PYGB: variants seen among roughly 807,000 people sequenced by gnomAD.
The protein encoded by PYGB is glycogen phosphorylase, brain form.
Under a neutral mutation model 94.3 loss-of-function variants are expected in PYGB, and 82 were observed. The observed-to-expected ratio is 0.87, with a 90% confidence interval of 0.73 to 1.04. The LOEUF (loss-of-function observed/expected upper bound fraction) is 1.04. PYGB is among the 50% of genes least tolerant of loss of function. The pLI is 0.00. For missense variants in PYGB, 1,132 were observed against 1,158.2 expected (o/e 0.98, Z 0.33); for synonymous variants, 488 against 479.1 (o/e 1.02, Z -0.24).
In PYGB at chr20:25,292,567, A is replaced by C. The variant is rs1278479512; in HGVS notation, c.2131A>C (p.Ile711Leu). The change falls in exon 17 of 20, where the codon ATC becomes CTC. Residue 711 changes from isoleucine to leucine, a missense_variant. Ile to Leu is a conservative substitution (Grantham distance 5). Transcript: ENST00000216962. ...GGAGGCCGGGGCCGAGAACCTCTTC[A>C]TCTTCGGCCTGCGGGTGGAGGATGT... ...AEEAGAENLF[I>L]FGLRVEDVEA... 5 of 1,613,056 alleles carry C rather than the reference A, an allele frequency of 3.1e-6. No homozygotes were observed. The highest frequency in any genetic ancestry group is 2.2e-5 in the South Asian group (2 of 91,088).
In PYGB at chr20:25,294,305, T is replaced by A. The variant is rs771752076; in HGVS notation, c.2312+13T>A. 4 of 695,428 alleles carry A rather than the reference T, an allele frequency of 5.8e-6. No homozygotes were observed. The highest frequency in any genetic ancestry group is 6.2e-5 in the East Asian group (1 of 16,190). The allele number at this position is 695,428 out of a possible 1,614,324, so 43.1% of individuals were successfully genotyped here. A position where few individuals can be genotyped will look rare whatever the true frequency, so the allele number is the denominator to read the frequency against. On this transcript the variant is annotated intron_variant, in intron 18 of 19. Coordinates refer to ENST00000216962, the MANE Select transcript of PYGB (RefSeq NM_002862.4). ...TGCACCATGACAGGTGGGACCGACT[T>A]CCCTGGTTGGGTGGCTGGGAGGGAG...
chr20:25,250,468 T>G (rs969886242), intron 1 of PYGB, among the ~76,000 whole-genome samples: 2 of 152,242 alleles, frequency 1.3e-5, no homozygotes, highest in Non-Finnish European at 2.9e-5. Flanking sequence ...CGTAAAGTTG[T>G]AAACTTTTAG....
intron 6 of PYGB, 29 bp downstream of exon 6, chr20:25,276,786 T>C: frequency 6.3e-7 from 1 of 1,596,292 alleles, no homozygotes; most frequent in Non-Finnish European, 8.6e-7. Flanking sequence ...GGCACCCTTG[T>C]GTCCATGTGG....
At chr20:25,249,003 C>G (rs994816735) in intron 1 of PYGB, among the ~76,000 whole-genome samples, 1 of 152,224 alleles carries the variant, frequency 6.6e-6, no homozygotes, top group Non-Finnish European at 1.5e-5. Context: ...AAGGCTCTGT[C>G]TTAGAGGTTC....
At chr20:25,249,272 AACTTTTTC>A (rs1217598447) in intron 1 of PYGB, among the ~76,000 whole-genome samples, 1 of 152,218 alleles carries the variant, frequency 6.6e-6, no homozygotes, top group East Asian at 1.9e-4. Context: ...AAACATTTGT[AACTTTTTC>A]ACTGATAAAC....
intron 10 of PYGB, 140 bp from the exon 11 acceptor site, chr20:25,280,809 G>C: frequency 8.9e-7 from 1 of 1,125,226 alleles, no homozygotes; most frequent in Non-Finnish European, 1.3e-6. Flanking sequence ...AGGGAGGTCT[G>C]GCTGTCACAG....
At chr20:25,281,183 C>A in intron 11 of PYGB, 71 bp downstream of exon 11, 1 of 1,561,692 alleles carries the variant, frequency 6.4e-7, no homozygotes, top group Non-Finnish European at 8.7e-7. Context: ...GACCATCCAC[C>A]AAACACATGG....
rs201526070 is a variant in PYGB at position 25,248,439 on chromosome 20, C to T, written c.243+18C>T. The T allele has an allele frequency of 1.6e-5, 23 of 1,407,418 alleles. No homozygotes were observed. The highest frequency in any genetic ancestry group is 1.5e-4 in the African/African-American group (10 of 67,886). 87.2% of individuals were successfully genotyped at this position (1,407,418 alleles called of 1,614,324 possible). A position where few individuals can be genotyped will look rare whatever the true frequency, so the allele number is the denominator to read the frequency against. On this transcript the variant is annotated intron_variant, in intron 1 of 19. Coordinates refer to ENST00000216962, the MANE Select transcript of PYGB (RefSeq NM_002862.4). ...ACCCCAAGGTGAGGCGCTGCCCCGCCCTGTGCGCCCGTGCCCGCTGAGAGG... is the reference window on the plus strand; with the variant it reads ...ACCCCAAGGTGAGGCGCTGCCCCGCTCTGTGCGCCCGTGCCCGCTGAGAGG...
At chr20:25,269,849 G>C (rs1182133298) in intron 3 of PYGB, among the ~76,000 whole-genome samples, 1 of 152,182 alleles carries the variant, frequency 6.6e-6, no homozygotes, top group Non-Finnish European at 1.5e-5. Flanking sequence ...CCCGAGACCT[G>C]CTTCCTTTTG....
chr20:25,269,001 T>A (rs1334572091), intron 2 of PYGB, 128 bp from the exon 3 acceptor site: 6 of 767,664 alleles, frequency 7.8e-6, no homozygotes, highest in Non-Finnish European at 1.3e-5. Context: ...AACATTGAAT[T>A]TTCAAGTCTA....
chr20:25,290,420 G>GC, intron 15 of PYGB, 61 bp from the exon 16 acceptor site: 1 of 1,573,940 alleles, frequency 6.4e-7, no homozygotes, highest in Non-Finnish European at 8.7e-7. Flanking sequence ...GGAACCAGGA[G>GC]CGCCTCCAAG....
chr20:25,280,143 G>A lies in PYGB; in HGVS notation c.1093-123G>A, dbSNP rs543679155. On this transcript the variant is annotated intron_variant, in intron 9 of 19. Transcript: ENST00000216962. ...ATCCACCTTGGAGAGCAGAGGGGAC[G>A]GTGGCCCTTCCTGGGGTACCCAGCA... 2,856 of 1,199,066 alleles carry A rather than the reference G, an allele frequency of 2.4e-3. 25 individuals are homozygous for A. The highest frequency in any genetic ancestry group is 0.012 in the South Asian group (847 of 68,336). 74.3% of individuals were successfully genotyped at this position (1,199,066 alleles called of 1,614,324 possible).
At chr20:25,266,756 G>C (rs943911087) in intron 2 of PYGB, among the ~76,000 whole-genome samples, 3 of 152,148 alleles carry the variant, frequency 2.0e-5, no homozygotes, top group Non-Finnish European at 2.9e-5. Flanking sequence ...AGCACAAAAA[G>C]ATGCTAAATG....
At chr20:25,248,685 C>G (rs946465116) in intron 1 of PYGB, among the ~76,000 whole-genome samples, 2 of 137,428 alleles carry the variant, frequency 1.5e-5, no homozygotes, top group Non-Finnish European at 3.0e-5. Context: ...GCAGATGATG[C>G]TGAGCCCGGG....
chr20:25,282,177 G>A, intron 12 of PYGB, 30 bp downstream of exon 12: 1 of 1,557,114 alleles, frequency 6.4e-7, no homozygotes. Flanking sequence ...CGTGCCTGTG[G>A]AGATGCCTGG....
intron 13 of PYGB, 97 bp from the exon 14 acceptor site, chr20:25,284,007 C>G (rs559157337): frequency 2.8e-6 from 4 of 1,446,176 alleles, no homozygotes; most frequent in Non-Finnish European, 3.8e-6. Context: ...CCCCTCCCTG[C>G]GGCACTCTTC....
intron 1 of PYGB, among the ~76,000 whole-genome samples, chr20:25,249,342 GGTAGTCTTGCACAGCCCCCT>G (rs1201662192): frequency 6.6e-6 from 1 of 152,030 alleles, no homozygotes; most frequent in Non-Finnish European, 1.5e-5. Context: ...ATAGGTACAT[GGTAGTCTTGCACAGCCCCCT>G]GTTGCCAGTT....
chr20:25,287,582 T>C (rs2088428870), intron 14 of PYGB, among the ~76,000 whole-genome samples: 1 of 152,194 alleles, frequency 6.6e-6, no homozygotes, highest in Non-Finnish European at 1.5e-5. Flanking sequence ...TCCAGGAGTC[T>C]GTGGCTGCTG....
rs1223591758 is a variant in PYGB, at chr20:25,281,118, T to C, written c.1403+6T>C. On this transcript the variant is annotated splice_donor_region_variant and intron_variant, in intron 11 of 19. Coordinates refer to ENST00000216962, the MANE Select transcript of PYGB (RefSeq NM_002862.4). ...GAGATCGTGAAACAGTCGGTGTGAG[T>C]GGGGCGCTTGCCCGAGCGGGGCCAG... 1 of 1,613,862 alleles carries C rather than the reference T, an allele frequency of 6.2e-7. No individual in the cohort carries two copies. The highest frequency in any genetic ancestry group is 8.5e-7 in the Non-Finnish European group (1 of 1,179,884).
Sources: allele counts gnomAD v4.1 joint callset (sites outside exome capture counted in the v4.1 genomes callset), GRCh38; gene constraint gnomAD v4.1.1; transcripts MANE v1.5; gene names NCBI Gene and HGNC (gene_info 2026-07-23, HGNC 2026-07-21).